The following PAGE2B variants were observed in gnomAD, a reference collection of about 807,000 sequenced individuals.
PAGE2B encodes the protein PAGE family member 2B.
In PAGE2B, 5 loss-of-function variants were observed where a neutral mutation model predicts 7.6. That is an observed-to-expected ratio of 0.66 (90% confidence interval 0.34 to 1.38). PAGE2B has a LOEUF of 1.38. Ranked by LOEUF, PAGE2B falls within the 40% of genes most tolerant of loss-of-function variation. The pLI is 0.04. For synonymous variants in PAGE2B, 29 were observed against 26.7 expected, an observed-to-expected ratio of 1.09 and a Z score of -0.27; for missense variants, 70 against 78.4, an observed-to-expected ratio of 0.89 and a Z score of 0.41.
Position 55,077,300 on chromosome X carries a change from A to T in PAGE2B, c.194-99A>T, listed in dbSNP as rs2270533. 1.7e-5 allele frequency: 19 copies of T among 1,144,517 alleles called. No homozygotes were observed. In the African/African-American group the frequency reaches 3.5e-4, roughly 21 times the overall value. 94.3% of individuals were successfully genotyped at this position (1,144,517 alleles called of 1,213,427 possible). A position where few individuals can be genotyped will look rare whatever the true frequency, so the allele number is the denominator to read the frequency against. Reference sequence around the variant, plus strand: ...CAGATTCCTGAAATAATTAGCCTACAGGTTTTTACTTCATAATGATGAGGG... The same window carrying T: ...CAGATTCCTGAAATAATTAGCCTACTGGTTTTTACTTCATAATGATGAGGG... On this transcript the variant is annotated intron_variant, in intron 3 of 4. Transcript: ENST00000374971.
the PAGE2B span, chrX:55,031,037 C>T: frequency 1.2e-3 from 405 of 328,007 alleles, 2 homozygotes; most frequent in Middle Eastern, 7.9e-3. Context: ...CCCACCCACC[C>T]TGCCTTCTGC....
the PAGE2B span, among the ~76,000 whole-genome samples, chrX:55,052,178 T>C: frequency 9.0e-6 from 1 of 111,572 alleles, no homozygotes; most frequent in Non-Finnish European, 1.9e-5. Context: ...AAGTTTTGTG[T>C]CAGAGGAGTA....
chrX:55,051,483 T>C, the PAGE2B span, among the ~76,000 whole-genome samples: 3 of 112,090 alleles, frequency 2.7e-5, no homozygotes, highest in Non-Finnish European at 5.6e-5. Context: ...CATAGTCCCA[T>C]ATTTCTTGGA....
At chrX:55,042,514 C>T in the PAGE2B span, among the ~76,000 whole-genome samples, 1 of 106,029 alleles carries the variant, frequency 9.4e-6, no homozygotes, top group Non-Finnish European at 1.9e-5. Context: ...ATTAGCCGGG[C>T]GTAGTGGCGG....
At chrX:55,061,974 C>T in the PAGE2B span, among the ~76,000 whole-genome samples, 6 of 111,667 alleles carry the variant, frequency 5.4e-5, no homozygotes, top group South Asian at 3.7e-4. Context: ...ATAAGTACCA[C>T]GTTTTCCTTA....
chrX:55,076,225 T>TA, intron 2 of PAGE2B, 100 bp downstream of exon 2: 1 of 953,772 alleles, frequency 1.0e-6, no homozygotes, highest in Non-Finnish European at 1.4e-6. Flanking sequence ...TCCATGCTGA[T>TA]AAAAAATGAT....
the PAGE2B span, among the ~76,000 whole-genome samples, chrX:55,062,227 A>T: frequency 9.0e-6 from 1 of 111,414 alleles, no homozygotes; most frequent in African/African-American, 3.3e-5. Flanking sequence ...AGTGCAGGGG[A>T]GTTCCCTTTT....
intron 1 of PAGE2B, 47 bp from the exon 2 acceptor site, chrX:55,075,987 G>C: frequency 1.8e-6 from 2 of 1,103,659 alleles, no homozygotes; most frequent in South Asian, 4.0e-5. Context: ...CATATATATA[G>C]CTAAGTTCTT....
the PAGE2B span, chrX:55,044,618 G>T: frequency 9.1e-6 from 1 of 109,881 alleles, no homozygotes; most frequent in Non-Finnish European, 1.9e-5. Flanking sequence ...AAAAAAAAAA[G>T]TTCTGGTGTA....
the PAGE2B span, among the ~76,000 whole-genome samples, chrX:55,035,193 G>A: frequency 9.0e-6 from 1 of 111,307 alleles, no homozygotes; most frequent in African/African-American, 3.3e-5. Context: ...GTTGACACTC[G>A]ATATTAACCA....
the PAGE2B span, among the ~76,000 whole-genome samples, chrX:55,058,426 C>T: frequency 9.0e-6 from 1 of 110,921 alleles, no homozygotes; most frequent in African/African-American, 3.3e-5. Flanking sequence ...ATATAATTTG[C>T]ATTATTTTAT....
chrX:55,047,286 C>G, the PAGE2B span, among the ~76,000 whole-genome samples: 2 of 111,867 alleles, frequency 1.8e-5, no homozygotes, highest in South Asian at 7.6e-4. Flanking sequence ...GCATAGTATT[C>G]CATAGTGCAT....
the PAGE2B span, among the ~76,000 whole-genome samples, chrX:55,036,833 A>G: frequency 9.1e-6 from 1 of 110,190 alleles, no homozygotes; most frequent in African/African-American, 3.4e-5. Context: ...GGTGCTGGGA[A>G]AACTGGCTAG....
the PAGE2B span, among the ~76,000 whole-genome samples, chrX:55,052,221 TG>T: frequency 1.8e-5 from 2 of 112,193 alleles, no homozygotes; most frequent in African/African-American, 3.2e-5. Context: ...CTGCCCCTAC[TG>T]GGGGGTGCCT....
At chrX:55,030,658 G>GA in the PAGE2B span, among the ~76,000 whole-genome samples, 4 of 110,520 alleles carry the variant, frequency 3.6e-5, no homozygotes, top group Admixed American at 1.9e-4. Context: ...AATTCAGAGG[G>GA]AAAAATAAGA....
chrX:55,050,240 T>C, the PAGE2B span, among the ~76,000 whole-genome samples: 2 of 111,806 alleles, frequency 1.8e-5, no homozygotes, highest in African/African-American at 6.5e-5. Context: ...ATGTGGTCAA[T>C]TTTGGAATAG....
chrX:55,063,128 A>T, the PAGE2B span, among the ~76,000 whole-genome samples: 1 of 111,315 alleles, frequency 9.0e-6, no homozygotes, highest in South Asian at 3.7e-4. Context: ...TTTTCTATTT[A>T]TATGAAGAAT....
At chrX:55,073,185 C>T (rs140400859), upstream of PAGE2B, among the ~76,000 whole-genome samples, 2,132 of 111,778 alleles carry the variant, frequency 0.019, 36 homozygotes, top group Non-Finnish European at 0.031. Flanking sequence ...TGCTTGAAAC[C>T]CAGGGCCCTG....
intron 3 of PAGE2B, 90 bp from the exon 4 acceptor site, chrX:55,077,309 C>G: frequency 8.6e-7 from 1 of 1,164,710 alleles, no homozygotes; most frequent in Non-Finnish European, 1.1e-6. Flanking sequence ...CAGGTTTTTA[C>G]TTCATAATGA....
Sources: allele counts gnomAD v4.1 joint callset (sites outside exome capture counted in the v4.1 genomes callset), GRCh38; gene constraint gnomAD v4.1.1; transcripts MANE v1.5; gene names NCBI Gene and HGNC (gene_info 2026-07-23, HGNC 2026-07-21).